RNF24: variants seen among roughly 807,000 people sequenced by gnomAD.
RNF24 encodes the protein ring finger protein 24.
A neutral mutation model predicts 20.0 loss-of-function variants in RNF24; 14 were observed. That is an observed-to-expected ratio of 0.70 (90% CI 0.46 to 1.10). RNF24 has a LOEUF of 1.10. Among genes scored for constraint, RNF24 ranks in the 50% least tolerant of loss-of-function variants. The pLI is 0.00. For synonymous variants in RNF24, 45 were observed against 61.1 expected, an observed-to-expected ratio of 0.74 and a Z score of 1.23; for missense variants, 124 against 177.6, an observed-to-expected ratio of 0.70 and a Z score of 1.71.
intron 1 of RNF24, among the ~76,000 whole-genome samples, chr20:3,974,707 T>C (rs1314807349): frequency 1.3e-5 from 2 of 152,142 alleles, no homozygotes; most frequent in Non-Finnish European, 2.9e-5. Context: ...ACATTAGATA[T>C]GTACAGGACT....
rs73616156 is a variant in RNF24, at chr20:4,007,445, G to GA, written c.-8+7991dup. Reference sequence around the variant, plus strand: ...ACATTGTCTTATAGCTGTTTCAAAAGAAAAAAAAATCTGTTGATGATATAT... The same window carrying GA: ...ACATTGTCTTATAGCTGTTTCAAAAGAAAAAAAAAATCTGTTGATGATATAT... On this transcript the variant is annotated intron_variant, in intron 1 of 5. Coordinates refer to ENST00000358395, the MANE Select transcript of RNF24 (RefSeq NM_001134337.3). 5.3e-4 allele frequency among the ~76,000 whole-genome samples: 80 copies of GA among 150,208 alleles called. 1 individual carries two copies. The highest frequency in any genetic ancestry group is 1.5e-3 in the African/African-American group (60 of 40,978).
At chr20:3,956,952 G>C (rs1433613685) in intron 2 of RNF24, among the ~76,000 whole-genome samples, 1 of 151,672 alleles carries the variant, frequency 6.6e-6, no homozygotes, top group East Asian at 1.9e-4. Flanking sequence ...CTCAAGCCCA[G>C]GCTGAGGAAC....
chr20:3,969,506 C>CAA (rs113442389), intron 1 of RNF24, among the ~76,000 whole-genome samples: 66 of 89,162 alleles, frequency 7.4e-4, no homozygotes, highest in Middle Eastern at 6.3e-3. Context: ...CAGGTGAAGA[C>CAA]AAAAAAAAAA....
At chr20:3,991,984 A>C (rs1980485313) in intron 1 of RNF24, among the ~76,000 whole-genome samples, 1 of 151,948 alleles carries the variant, frequency 6.6e-6, no homozygotes, top group Non-Finnish European at 1.5e-5. Context: ...TATACTTGCT[A>C]ATACACTACT....
At chr20:4,008,387 A>G (rs1982087499) in intron 1 of RNF24, among the ~76,000 whole-genome samples, 1 of 16,146 alleles carries the variant, frequency 6.2e-5, no homozygotes, top group Admixed American at 7.1e-4. Context: ...TATAATATAT[A>G]TATTATATAT....
chr20:3,947,744 A>T (rs543562138), intron 3 of RNF24, among the ~76,000 whole-genome samples: 1 of 152,312 alleles, frequency 6.6e-6, no homozygotes, highest in South Asian at 2.1e-4. Context: ...GCTTCAAGTA[A>T]TGCTTACAAA....
chr20:3,994,877 A>T (rs1458583389), intron 1 of RNF24, among the ~76,000 whole-genome samples: 1 of 152,246 alleles, frequency 6.6e-6, no homozygotes, highest in African/African-American at 2.4e-5. Flanking sequence ...ACGTACTAAA[A>T]GTGAAATAAA....
At chr20:4,009,012 A>T (rs1191095070) in intron 1 of RNF24, among the ~76,000 whole-genome samples, 1 of 152,154 alleles carries the variant, frequency 6.6e-6, no homozygotes, top group Non-Finnish European at 1.5e-5. Context: ...AAAAATCAAA[A>T]GCTATTTTAC....
At chr20:3,981,815 C>T (rs965486435) in intron 1 of RNF24, among the ~76,000 whole-genome samples, 1 of 151,906 alleles carries the variant, frequency 6.6e-6, no homozygotes, top group Non-Finnish European at 1.5e-5. Context: ...TCAGCTAAAC[C>T]AGTCTTTAAA....
At chr20:3,964,399 C>A (rs1305363409) in intron 1 of RNF24, among the ~76,000 whole-genome samples, 1 of 151,982 alleles carries the variant, frequency 6.6e-6, no homozygotes, top group Admixed American at 6.6e-5. Flanking sequence ...ATAACTCAAC[C>A]CTTGAAGTAA....
intron 1 of RNF24, among the ~76,000 whole-genome samples, chr20:3,981,920 A>G (rs1057071322): frequency 4.6e-5 from 7 of 151,834 alleles, no homozygotes; most frequent in African/African-American, 1.7e-4. Context: ...GGAGTTCAAG[A>G]TCAGCCTGGA....
intron 1 of RNF24, among the ~76,000 whole-genome samples, chr20:4,010,147 G>T (rs1024045363): frequency 6.6e-6 from 1 of 152,104 alleles, no homozygotes; most frequent in African/African-American, 2.4e-5. Flanking sequence ...GGCTGAGGTA[G>T]GCAGATCACG....
intron 1 of RNF24, among the ~76,000 whole-genome samples, chr20:4,003,936 C>A (rs139587632): frequency 3.3e-5 from 5 of 152,086 alleles, no homozygotes; most frequent in Non-Finnish European, 7.4e-5. Flanking sequence ...TGAGCCACCA[C>A]GCCTGGCCAG....
At chr20:3,957,548 A>G (rs986809816) in intron 2 of RNF24, among the ~76,000 whole-genome samples, 5 of 151,924 alleles carry the variant, frequency 3.3e-5, no homozygotes, top group African/African-American at 1.2e-4. Flanking sequence ...TTGTTAATTC[A>G]TTTTGCTTGT....
chr20:4,004,703 TC>T (rs1981704484), intron 1 of RNF24, among the ~76,000 whole-genome samples: 1 of 152,008 alleles, frequency 6.6e-6, no homozygotes, highest in African/African-American at 2.4e-5. Context: ...CCCTCTAGAG[TC>T]TTTGGAGGGA....
At chr20:3,995,095 G>A (rs1980753700) in intron 1 of RNF24, among the ~76,000 whole-genome samples, 1 of 152,238 alleles carries the variant, frequency 6.6e-6, no homozygotes, top group Admixed American at 6.5e-5. Flanking sequence ...GCATAGCAGA[G>A]GCAGTAACCT....
intron 1 of RNF24, among the ~76,000 whole-genome samples, chr20:3,979,119 A>AAT (rs1027753604): frequency 1.7e-4 from 26 of 149,914 alleles, no homozygotes; most frequent in Non-Finnish European, 2.8e-4. Flanking sequence ...CAAAACAAAT[A>AAT]ATATATATAT....
chr20:3,945,710 C>T (rs1403621498), intron 3 of RNF24, among the ~76,000 whole-genome samples: 7 of 124,444 alleles, frequency 5.6e-5, no homozygotes, highest in African/African-American at 2.3e-4. Flanking sequence ...AGCGAAACTC[C>T]GTCTCAAAAA....
chr20:3,975,066 T>C (rs1413219846), intron 1 of RNF24, among the ~76,000 whole-genome samples: 1 of 152,100 alleles, frequency 6.6e-6, no homozygotes, highest in Non-Finnish European at 1.5e-5. Context: ...GACACATAAG[T>C]CAATGGAACA....
Sources: allele counts gnomAD v4.1 joint callset (sites outside exome capture counted in the v4.1 genomes callset), GRCh38; gene constraint gnomAD v4.1.1; transcripts MANE v1.5; gene names NCBI Gene and HGNC (gene_info 2026-07-23, HGNC 2026-07-21).